The following TNRC6B variants were observed in gnomAD, a reference collection of about 807,000 sequenced individuals.
The protein encoded by TNRC6B is trinucleotide repeat-containing gene 6B protein.
Under a neutral mutation model 203.6 loss-of-function variants are expected in TNRC6B, and 52 were observed. The observed-to-expected ratio is 0.26, with a 90% CI of 0.20 to 0.32. TNRC6B has a LOEUF of 0.32. TNRC6B is among the 10% of genes least tolerant of loss of function. TNRC6B has a pLI of 1.00. For missense variants in TNRC6B, 1,923 were observed against 2,286.2 expected, an observed-to-expected ratio of 0.84 and a Z score of 3.24; for synonymous variants, 838 against 845.7, an observed-to-expected ratio of 0.99 and a Z score of 0.16.
At chr22:40,259,364 C>T (rs1298413210) in intron 3 of TNRC6B, among the ~76,000 whole-genome samples, 2 of 152,120 alleles carry the variant, frequency 1.3e-5, no homozygotes, top group Non-Finnish European at 2.9e-5. Context: ...GCTGGGAATA[C>T]AGGCGCATGC....
intron 5 of TNRC6B, among the ~76,000 whole-genome samples, chr22:40,268,354 G>A (rs1263239955): frequency 6.6e-6 from 1 of 152,112 alleles, no homozygotes; most frequent in African/African-American, 2.4e-5. Context: ...CCAAAGTGCT[G>A]GGATTACAGG....
At chr22:40,120,335 CAAAAAA>C (rs11429406) in intron 2 of TNRC6B, among the ~76,000 whole-genome samples, 6 of 118,336 alleles carry the variant, frequency 5.1e-5, no homozygotes, top group African/African-American at 1.7e-4. Flanking sequence ...GACCCTGTCT[CAAAAAA>C]AAAAAAAAAA....
chr22:40,109,487 G>T (rs542546213), intron 1 of TNRC6B, among the ~76,000 whole-genome samples: 1 of 152,270 alleles, frequency 6.6e-6, no homozygotes, highest in South Asian at 2.1e-4. Flanking sequence ...GTTCTGACTT[G>T]CATGAGATGG....
intron 3 of TNRC6B, among the ~76,000 whole-genome samples, chr22:40,149,485 G>A (rs950295670): frequency 6.6e-6 from 1 of 152,006 alleles, no homozygotes. Flanking sequence ...TGGCCAATAT[G>A]GTGAAACCTC....
intron 1 of TNRC6B, among the ~76,000 whole-genome samples, chr22:40,104,278 T>A (rs911276143): frequency 6.6e-6 from 1 of 152,062 alleles, no homozygotes; most frequent in Non-Finnish European, 1.5e-5. Flanking sequence ...GTTTTCATAG[T>A]CATTATCATT....
chr22:40,209,245 T>TA lies in TNRC6B; in HGVS notation c.5+31108dup, dbSNP rs2069526616. ...ATTTATTCTCTAGAACAGAAACTTC[T>TA]AAAGATAGCTTATACCTGCCCCCTT... On this transcript the variant is annotated intron_variant, in intron 1 of 22. Transcript: ENST00000454349. Among the ~76,000 whole-genome samples, 3 of 119,940 alleles carry TA rather than the reference T, an allele frequency of 2.5e-5. No individual in the cohort carries two copies. In the South Asian group the frequency reaches 9.2e-4, roughly 37 times the overall value. The allele number at this position is 119,940 out of a possible 152,430, so 78.7% of individuals were successfully genotyped here. A position where few individuals can be genotyped will look rare whatever the true frequency, so the allele number is the denominator to read the frequency against.
Position 40,228,425 on chromosome 22 carries a change from C to T in TNRC6B, c.6-17590C>T, listed in dbSNP as rs578053841. ...AGCCTGGGCAACAAGAGCAAAATTC[C>T]GTCTCAAAAATAAAATAAAACAAAA... On this transcript the variant is annotated intron_variant, in intron 1 of 22. Transcript: ENST00000454349. Among the ~76,000 whole-genome samples the T allele has an allele frequency of 1.2e-4, 18 of 151,344 alleles. 1 individual carries two copies. The highest frequency in any genetic ancestry group is 1.1e-3 in the Admixed American group (17 of 15,190).
chr22:40,173,230 G>C (rs1359499481), upstream of TNRC6B, among the ~76,000 whole-genome samples: 1 of 151,970 alleles, frequency 6.6e-6, no homozygotes, highest in Non-Finnish European at 1.5e-5. Context: ...CCGAGTAGCT[G>C]GGACTACAGG....
chr22:40,149,824 G>A (rs144392723), intron 3 of TNRC6B, among the ~76,000 whole-genome samples: 3,221 of 151,886 alleles, frequency 0.021, 73 homozygotes, highest in African/African-American at 0.058. Flanking sequence ...TAAGAGACAG[G>A]GTCTCACTTT....
At chr22:40,158,966 A>T (rs2068845180) in intron 4 of TNRC6B, among the ~76,000 whole-genome samples, 1 of 152,070 alleles carries the variant, frequency 6.6e-6, no homozygotes, top group Admixed American at 6.6e-5. Flanking sequence ...GGAACTGAGT[A>T]ATTTTTTTGC....
intron 1 of TNRC6B, among the ~76,000 whole-genome samples, chr22:40,239,495 G>T (rs1262728815): frequency 1.3e-5 from 2 of 152,222 alleles, no homozygotes; most frequent in Admixed American, 6.5e-5. Context: ...AGTTACTGGG[G>T]ATGGTGCTGT....
chr22:40,261,811 T>C, intron 3 of TNRC6B, 21 bp from the exon 4 acceptor site: 2 of 1,507,606 alleles, frequency 1.3e-6, no homozygotes, highest in Middle Eastern at 1.8e-4. Context: ...CAAAGACTGT[T>C]TCCCAACCCC....
rs77834336 is a variant in TNRC6B, at chr22:40,258,752, G to A, written c.116-3080G>A. 9.8e-5 allele frequency among the ~76,000 whole-genome samples: 15 copies of A among 152,300 alleles called. No individual in the cohort carries two copies. In the South Asian group the frequency reaches 1.5e-3, roughly 15 times the overall value. On this transcript the variant is annotated intron_variant, in intron 3 of 22. Coordinates refer to ENST00000454349, the MANE Select transcript of TNRC6B (RefSeq NM_001162501.2). ...ATTTACAATCCATTCTGTCTCTGAT[G>A]TGGTGGGAAAGTGCCCTGAGGAACT...
intron 1 of TNRC6B, among the ~76,000 whole-genome samples, chr22:40,192,925 A>G (rs1196089896): frequency 6.6e-6 from 1 of 152,246 alleles, no homozygotes; most frequent in Non-Finnish European, 1.5e-5. Flanking sequence ...ATTTACTTAC[A>G]TGCAGAGGTG....
intron 1 of TNRC6B, among the ~76,000 whole-genome samples, chr22:40,068,471 C>T (rs1601795801): frequency 6.6e-6 from 1 of 151,934 alleles, no homozygotes; most frequent in Non-Finnish European, 1.5e-5. Flanking sequence ...GCACGCGCCA[C>T]CATGCCCAGC....
At chr22:40,055,367 G>A (rs1024318104) in intron 1 of TNRC6B, among the ~76,000 whole-genome samples, 3 of 152,246 alleles carry the variant, frequency 2.0e-5, no homozygotes, top group South Asian at 2.1e-4. Context: ...GGGCATTTCC[G>A]GCAGAGAGAA....
chr22:40,105,260 ATTTTT>A (rs1385997912), intron 1 of TNRC6B, among the ~76,000 whole-genome samples: 2 of 152,202 alleles, frequency 1.3e-5, no homozygotes, highest in African/African-American at 4.8e-5. Flanking sequence ...TATTAATTTT[ATTTTT>A]GTTTTGATTT....
At chr22:40,067,420 C>A (rs2046708565) in intron 1 of TNRC6B, among the ~76,000 whole-genome samples, 1 of 152,032 alleles carries the variant, frequency 6.6e-6, no homozygotes. Context: ...ACAGAACCAA[C>A]AGAATATATA....
chr22:40,152,954 T>A (rs1268415132), intron 3 of TNRC6B, among the ~76,000 whole-genome samples: 2 of 151,656 alleles, frequency 1.3e-5, no homozygotes, highest in South Asian at 4.2e-4. Context: ...TACAAAAAAT[T>A]AGCCAGGTGT....
Sources: gnomAD v4.1 joint callset for allele counts (sites outside exome capture counted in the v4.1 genomes callset) on GRCh38, gnomAD v4.1.1 for gene constraint, MANE v1.5 for transcripts, NCBI Gene and HGNC (gene_info 2026-07-23, HGNC 2026-07-21) for gene names.